Variants in MAGI1 observed in about 807,000 individuals in gnomAD.
MAGI1 encodes the protein membrane associated guanylate kinase, WW and PDZ domain containing 1, also known as membrane-associated guanylate kinase, WW and PDZ domain-containing protein 1.
Under a neutral mutation model 139.9 loss-of-function variants are expected in MAGI1, and 58 were observed. That is an observed-to-expected ratio of 0.41 (90% CI 0.34 to 0.52). The LOEUF is 0.52. Ranked by LOEUF, MAGI1 falls within the 20% of genes least tolerant of loss-of-function variation. The pLI is 0.12. For missense variants in MAGI1, 1,874 were observed against 1,901.6 expected, an observed-to-expected ratio of 0.99 and a Z score of 0.27; for synonymous variants, 812 against 737.9, an observed-to-expected ratio of 1.10 and a Z score of -1.63.
At chr3:65,927,514 T>A (rs374899891) in intron 1 of MAGI1, among the ~76,000 whole-genome samples, 6 of 152,164 alleles carry the variant, frequency 3.9e-5, no homozygotes, top group African/African-American at 1.4e-4. Flanking sequence ...CTGGAAAACA[T>A]TGCTTCAAGC....
At chr3:65,851,000 A>G (rs979182227) in intron 1 of MAGI1, among the ~76,000 whole-genome samples, 4 of 152,130 alleles carry the variant, frequency 2.6e-5, no homozygotes, top group Non-Finnish European at 4.4e-5. Flanking sequence ...CTAGCTACTC[A>G]GGAGGCTGAA....
chr3:65,588,691 GTAC>G (rs2081811873), intron 2 of MAGI1, among the ~76,000 whole-genome samples: 1 of 152,172 alleles, frequency 6.6e-6, no homozygotes, highest in South Asian at 2.1e-4. Context: ...AAAGGGCAAT[GTAC>G]TGTCTGTCAT....
At chr3:65,905,722 G>A (rs934020208) in intron 1 of MAGI1, among the ~76,000 whole-genome samples, 1 of 152,080 alleles carries the variant, frequency 6.6e-6, no homozygotes, top group African/African-American at 2.4e-5. Context: ...CTCAGCTCAG[G>A]TCTACAGAGC....
chr3:65,801,885 G>T (rs1040725723), intron 1 of MAGI1, among the ~76,000 whole-genome samples: 2 of 152,080 alleles, frequency 1.3e-5, no homozygotes, highest in Non-Finnish European at 1.5e-5. Context: ...AGCAGGATGG[G>T]GGCAGTAAAC....
chr3:65,404,303 T>C (rs1019561154), intron 12 of MAGI1, among the ~76,000 whole-genome samples: 2 of 152,184 alleles, frequency 1.3e-5, no homozygotes, highest in Admixed American at 1.3e-4. Context: ...CTGAAGGATA[T>C]GGGGGTAACC....
intron 1 of MAGI1, among the ~76,000 whole-genome samples, chr3:65,936,370 G>A (rs942769763): frequency 6.6e-6 from 1 of 152,082 alleles, no homozygotes; most frequent in African/African-American, 2.4e-5. Flanking sequence ...AGGTGTAGTG[G>A]CTCACGTCTA....
chr3:65,590,595 T>A (rs1038929903), intron 2 of MAGI1, among the ~76,000 whole-genome samples: 3 of 152,208 alleles, frequency 2.0e-5, no homozygotes, highest in Non-Finnish European at 4.4e-5. Context: ...ACTTTAAAAC[T>A]GCTACTTAGC....
At chr3:65,969,183 T>C (rs898045699) in intron 1 of MAGI1, among the ~76,000 whole-genome samples, 1 of 152,214 alleles carries the variant, frequency 6.6e-6, no homozygotes, top group Non-Finnish European at 1.5e-5. Context: ...AGTCTCTCCA[T>C]CTTCATGACT....
At chr3:65,807,981 T>C (rs2040976980) in intron 1 of MAGI1, among the ~76,000 whole-genome samples, 1 of 151,362 alleles carries the variant, frequency 6.6e-6, no homozygotes, top group Admixed American at 6.6e-5. Flanking sequence ...TTTGAGAGGC[T>C]AAGTTCGGCG....
chr3:65,976,386 TG>T (rs1447055460), intron 1 of MAGI1, among the ~76,000 whole-genome samples: 2 of 152,094 alleles, frequency 1.3e-5, no homozygotes, highest in African/African-American at 4.8e-5. Flanking sequence ...CCCAGCACTG[TG>T]GGGAGACGGA....
rs564873890 is a variant in MAGI1 at position 65,999,045 on chromosome 3, C to T, written c.313+38951G>A. ...GACCCTTTATCACTCAAGGTAAGGG[C>T]TATAAAAGAATCCCTTTTTTAAAAA... On this transcript the variant is annotated intron_variant, in intron 1 of 22. Transcript: ENST00000402939. Among the ~76,000 whole-genome samples the T allele has an allele frequency of 6.6e-5, 10 of 152,122 alleles. 1 individual carries two copies. In the South Asian group the frequency reaches 2.1e-3, roughly 32 times the overall value.
intron 1 of MAGI1, among the ~76,000 whole-genome samples, chr3:65,923,291 T>C (rs973181398): frequency 6.7e-6 from 1 of 148,834 alleles, no homozygotes; most frequent in Non-Finnish European, 1.5e-5. Context: ...AGTGGTGTGA[T>C]CTCGGCTCAC....
intron 1 of MAGI1, among the ~76,000 whole-genome samples, chr3:65,975,917 AT>A (rs2065242768): frequency 6.6e-6 from 1 of 152,168 alleles, no homozygotes; most frequent in African/African-American, 2.4e-5. Flanking sequence ...AATACTTCAA[AT>A]TATATTTTTG....
intron 1 of MAGI1, among the ~76,000 whole-genome samples, chr3:65,941,449 ACTATTGACATTTGGCG>A (rs1391548189): frequency 6.6e-6 from 1 of 152,170 alleles, no homozygotes; most frequent in Non-Finnish European, 1.5e-5. Context: ...CAGCCTTGGT[ACTATTGACATTTGGCG>A]CTAGTTATTG....
intron 1 of MAGI1, among the ~76,000 whole-genome samples, chr3:65,654,691 C>G (rs2085772953): frequency 6.6e-6 from 1 of 151,782 alleles, no homozygotes. Context: ...TGATTAGATA[C>G]CCATGTGCTA....
At chr3:65,984,712 CT>C (rs1206138639) in intron 1 of MAGI1, among the ~76,000 whole-genome samples, 6,886 of 26,084 alleles carry the variant, frequency 0.26, 558 homozygotes, top group African/African-American at 0.39. Context: ...ATTTTTTTTT[CT>C]TTTTTTTTTT....
chr3:65,540,471 A>G (rs1255324893), intron 2 of MAGI1, among the ~76,000 whole-genome samples: 1 of 152,218 alleles, frequency 6.6e-6, no homozygotes, highest in Non-Finnish European at 1.5e-5. Context: ...GAGACCCTCA[A>G]TAAATACCTG....
Position 65,943,109 on chromosome 3 carries a change from T to C in MAGI1, c.313+94887A>G, listed in dbSNP as rs2063389290. On this transcript the variant is annotated intron_variant, in intron 1 of 22. Coordinates refer to ENST00000402939, the MANE Select transcript of MAGI1 (RefSeq NM_001033057.2). The stretch of plus-strand genomic sequence containing the variant: ...GCTTGTTAAACAAATACAATCTATA[T>C]AACTCTTGTTATTTGATGGAGAAAT... Among the ~76,000 whole-genome samples, 3 of 152,374 alleles carry C rather than the reference T, an allele frequency of 2.0e-5. No individual in the cohort carries two copies. In the South Asian group the frequency reaches 6.2e-4, roughly 32 times the overall value.
At chr3:65,671,187 C>T (rs1459265930) in intron 1 of MAGI1, among the ~76,000 whole-genome samples, 7 of 152,288 alleles carry the variant, frequency 4.6e-5, no homozygotes, top group South Asian at 2.1e-4. Flanking sequence ...CCTAGTACTA[C>T]AGAGCTGGTA....
Sources: allele counts gnomAD v4.1 joint callset (sites outside exome capture counted in the v4.1 genomes callset), GRCh38; gene constraint gnomAD v4.1.1; transcripts MANE v1.5; gene names NCBI Gene and HGNC (gene_info 2026-07-23, HGNC 2026-07-21).